Variants in CRMP1 observed in about 807,000 individuals in gnomAD.
The protein encoded by CRMP1 is collapsin response mediator protein 1.
In CRMP1, 19 loss-of-function variants were observed where a neutral mutation model predicts 68.3. The ratio of observed to expected loss-of-function variants is 0.28; its 90% CI spans 0.19 to 0.41. CRMP1 has a LOEUF of 0.41. Ranked by LOEUF, CRMP1 falls within the 10% of genes least tolerant of loss-of-function variation. The pLI is 1.00. For synonymous variants in CRMP1, 439 were observed against 399.6 expected (o/e 1.10, Z -1.18); for missense variants, 791 against 967.4 (o/e 0.82, Z 2.42).
At position 5,888,603 on chromosome 4, in the gene CRMP1, T is replaced by G; in HGVS notation, c.381+3986A>C. 2.9e-6 allele frequency: 3 copies of G among 1,023,262 alleles called. No homozygotes were observed. Among genetic ancestry groups the G allele is most frequent in the Non-Finnish European group, 3.5e-6 (3 of 855,112 alleles). The allele number at this position is 1,023,262 out of a possible 1,614,324, so 63.4% of individuals were successfully genotyped here. On this transcript the variant is annotated intron_variant, in intron 1 of 13. Coordinates refer to ENST00000324989, the MANE Select transcript of CRMP1 (RefSeq NM_001014809.3). This position sits in a 1 kb window ranked among gnomAD's most constrained non-coding sequence, Gnocchi z 6.4. ...CCTCTCGGCTCGAACCAGGAAGCGC[T>G]TCCCTTCCGATCTCCCACCCCGCCC...
chr4:5,844,162 G>A (rs1276578944), intron 6 of CRMP1, among the ~76,000 whole-genome samples: 1 of 152,034 alleles, frequency 6.6e-6, no homozygotes, highest in East Asian at 1.9e-4. Flanking sequence ...AATATAAATG[G>A]GAAACCATTT....
chr4:5,841,438 G>A lies in CRMP1; in HGVS notation c.1033-10C>T, dbSNP rs2152459953. ...CCGCCTCGGCCTCCAGCTGAACACG[G>A]CACACACAGTGTCACAGGAGGGAAG... On this transcript the variant is annotated splice_polypyrimidine_tract_variant and intron_variant, in intron 7 of 13. Coordinates refer to ENST00000324989, the MANE Select transcript of CRMP1 (RefSeq NM_001014809.3). This position sits in a 1 kb window ranked among gnomAD's most constrained non-coding sequence, Gnocchi z 6.9. The A allele has an allele frequency of 1.2e-6, 2 of 1,613,832 alleles. No individual in the cohort carries two copies. Among genetic ancestry groups the A allele is most frequent in the South Asian group, 1.1e-5 (1 of 91,058 alleles).
chr4:5,878,225 G>C (rs1714978772), intron 1 of CRMP1, among the ~76,000 whole-genome samples: 1 of 151,822 alleles, frequency 6.6e-6, no homozygotes. Flanking sequence ...CCTATACAGA[G>C]ACCACCCCAC....
At position 5,872,574 on chromosome 4, in the gene CRMP1, C is replaced by G. The variant is rs185042514; in HGVS notation, c.382-5818G>C. Among the ~76,000 whole-genome samples the G allele has an allele frequency of 1.3e-5, 2 of 152,326 alleles. 1 individual carries two copies. Among genetic ancestry groups the G allele is most frequent in the East Asian group, 3.9e-4 (2 of 5,180 alleles). On this transcript the variant is annotated intron_variant, in intron 1 of 13. Transcript: ENST00000324989. The surrounding 1 kb of genome is among the most constrained non-coding windows in gnomAD (Gnocchi z 4.6). ...TGGTGGCAGGCACCTGTAATCCCAG[C>G]TACTCGGGAGGCTGAGGCAGGAGAA... is the stretch of plus-strand genomic sequence containing the variant.
In CRMP1 at chr4:5,828,422, G is replaced by A. The variant is rs116329710; in HGVS notation, c.1803+67C>T. 2,861 of 1,566,840 alleles carry A rather than the reference G, an allele frequency of 1.8e-3. 45 individuals carry two copies. In the African/African-American group the frequency reaches 0.035, roughly 19 times the overall value. Reference sequence around the variant, plus strand: ...ATTAACTCTGCACACGTCAGATCTCGATTCCCCAAGAGACGCTGTCGGCTC... The same window carrying A: ...ATTAACTCTGCACACGTCAGATCTCAATTCCCCAAGAGACGCTGTCGGCTC... On this transcript the variant is annotated intron_variant, in intron 12 of 13. Coordinates refer to ENST00000324989, the MANE Select transcript of CRMP1 (RefSeq NM_001014809.3).
Position 5,877,660 on chromosome 4 carries a change from G to T in CRMP1, c.382-10904C>A, listed in dbSNP as rs531929439. On this transcript the variant is annotated intron_variant, in intron 1 of 13. Coordinates refer to ENST00000324989, the MANE Select transcript of CRMP1 (RefSeq NM_001014809.3). The surrounding 1 kb of genome is among the most constrained non-coding windows in gnomAD (Gnocchi z 4.3). ...AACACACATTCGTTCCCCCTCTCAC[G>T]GGTAGGGGACAGGGCGGCTTTCCCC... Among the ~76,000 whole-genome samples the T allele has an allele frequency of 6.6e-6, 1 of 152,320 alleles. No homozygotes were observed. Among genetic ancestry groups the T allele is most frequent in the South Asian group, 2.1e-4 (1 of 4,824 alleles).
At chr4:5,835,222 C>A (rs1181346702) in intron 11 of CRMP1, among the ~76,000 whole-genome samples, 1 of 152,228 alleles carries the variant, frequency 6.6e-6, no homozygotes, top group Non-Finnish European at 1.5e-5. Flanking sequence ...GAACCAGGGA[C>A]CACTGTGGCC....
intron 6 of CRMP1, among the ~76,000 whole-genome samples, chr4:5,848,238 A>G (rs1712367466): frequency 6.6e-6 from 1 of 151,516 alleles, no homozygotes; most frequent in Admixed American, 6.6e-5. Context: ...TCCACCTTCC[A>G]GGTTCAAGCA....
At position 5,883,679 on chromosome 4, in the gene CRMP1, CAT is replaced by C. The variant is rs71171491; in HGVS notation, c.381+8908_381+8909del. 0.011 allele frequency among the ~76,000 whole-genome samples: 1,715 copies of C among 152,096 alleles called. 18 individuals carry two copies. The highest frequency in any genetic ancestry group is 0.025 in the South Asian group (119 of 4,798). On this transcript the variant is annotated intron_variant, in intron 1 of 13. Transcript: ENST00000324989. The surrounding 1 kb of genome is among the most constrained non-coding windows in gnomAD (Gnocchi z 4.5). ...GGACACACACACACACACACACACA[CAT>C]GCTTGCCCACCACACCTGCTGGTTA...
At chr4:5,887,400 T>C in intron 1 of CRMP1, 2 of 985,538 alleles carry the variant, frequency 2.0e-6, no homozygotes, top group Non-Finnish European at 2.4e-6. Flanking sequence ...TGGGCTCCAG[T>C]GGTCCGCATC....
rs899294368 is a variant in CRMP1, at chr4:5,859,385, A to G, written c.655+1641T>C. Among the ~76,000 whole-genome samples the G allele has an allele frequency of 6.6e-6, 1 of 152,166 alleles. No individual in the cohort carries two copies. The highest frequency in any genetic ancestry group is 2.4e-5 in the African/African-American group (1 of 41,450). The stretch of plus-strand genomic sequence containing the variant: ...AGCTGGTAATGGAGAAAAGCAGGGG[A>G]CATCCCAGGAACCCTGGCTCCTCAT... On this transcript the variant is annotated intron_variant, in intron 3 of 13. Coordinates refer to ENST00000324989, the MANE Select transcript of CRMP1 (RefSeq NM_001014809.3). The surrounding 1 kb of genome is among the most constrained non-coding windows in gnomAD (Gnocchi z 5.2).
Position 5,891,175 on chromosome 4 carries a change from T to TACACACAC in CRMP1, c.381+1406_381+1413dup, listed in dbSNP as rs58583102. 0.18 allele frequency among the ~76,000 whole-genome samples: 23,395 copies of TACACACAC among 131,754 alleles called. 2,456 individuals are homozygous for TACACACAC. Among genetic ancestry groups the TACACACAC allele is most frequent in the East Asian group, 0.26 (1,107 of 4,306 alleles). The allele number at this position is 131,754 out of a possible 152,430, so 86.4% of individuals were successfully genotyped here. A position where few individuals can be genotyped will look rare whatever the true frequency, so the allele number is the denominator to read the frequency against. The stretch of plus-strand genomic sequence containing the variant: ...TGATCACCCCACCACCACACACACA[T>TACACACAC]ACACACACACACACACACACACACA... On this transcript the variant is annotated intron_variant, in intron 1 of 13. Coordinates refer to ENST00000324989, the MANE Select transcript of CRMP1 (RefSeq NM_001014809.3). This position sits in a 1 kb window ranked among gnomAD's most constrained non-coding sequence, Gnocchi z 5.2.
chr4:5,821,645 T>A lies in CRMP1; in HGVS notation c.*115A>T. On this transcript the variant is annotated 3_prime_UTR_variant, in exon 14 of 14. Transcript: ENST00000324989. This position sits in a 1 kb window ranked among gnomAD's most constrained non-coding sequence, Gnocchi z 4.4. ...GAAAAGGGAAAGAGCATCCTTCGAC[T>A]TCCCCCTCCCTCCATCAGCACCAAC... The A allele has an allele frequency of 2.1e-6, 2 of 972,634 alleles. No homozygotes were observed. The highest frequency in any genetic ancestry group is 1.6e-5 in the South Asian group (1 of 62,052). 60.3% of individuals were successfully genotyped at this position (972,634 alleles called of 1,614,324 possible). A position where few individuals can be genotyped will look rare whatever the true frequency, so the allele number is the denominator to read the frequency against.
Position 5,842,361 on chromosome 4 carries a change from G to A in CRMP1, c.1032+732C>T, listed in dbSNP as rs747882263. On this transcript the variant is annotated intron_variant, in intron 7 of 13. Transcript: ENST00000324989. This position sits in a 1 kb window ranked among gnomAD's most constrained non-coding sequence, Gnocchi z 4.5. ...GGAGAGTCACTTGAACCCAGGAAGCGGAGGCTGCAGTGAACCGAGATCATA... is the reference window on the plus strand; with the variant it reads ...GGAGAGTCACTTGAACCCAGGAAGCAGAGGCTGCAGTGAACCGAGATCATA... 4.0e-5 allele frequency among the ~76,000 whole-genome samples: 6 copies of A among 151,088 alleles called. No individual in the cohort carries two copies. Among genetic ancestry groups the A allele is most frequent in the East Asian group, 2.0e-4 (1 of 5,120 alleles).
intron 6 of CRMP1, among the ~76,000 whole-genome samples, chr4:5,847,782 A>C (rs1485674503): frequency 6.6e-6 from 1 of 152,198 alleles, no homozygotes; most frequent in Non-Finnish European, 1.5e-5. Flanking sequence ...CAACTTATTC[A>C]TATCTGAGCT....
In CRMP1 at chr4:5,839,462, ACT is replaced by A. The variant is rs370426612; in HGVS notation, c.1310+58_1310+59del. Reference sequence around the variant, plus strand: ...ACCAGCCTGCGGATTCCCACCATTAACTCTCTGCCTCCAAAGGCCCCAGCTGC... The same window carrying A: ...ACCAGCCTGCGGATTCCCACCATTAACTCTGCCTCCAAAGGCCCCAGCTGC... On this transcript the variant is annotated intron_variant, in intron 9 of 13. Transcript: ENST00000324989. The A allele has an allele frequency of 1.7e-5, 26 of 1,548,632 alleles. No homozygotes were observed. The African/African-American group carries it at 2.9e-4, about 17-fold the overall frequency.
intron 11 of CRMP1, among the ~76,000 whole-genome samples, chr4:5,832,329 C>T (rs112330035): frequency 3.3e-5 from 5 of 152,172 alleles, no homozygotes; most frequent in Non-Finnish European, 5.9e-5. Context: ...AATTATATCT[C>T]GATAAGAAAC....
At position 5,871,532 on chromosome 4, in the gene CRMP1, C is replaced by T. The variant is rs1004272028; in HGVS notation, c.382-4776G>A. ...AAAATTAGCCGGGCGTGGTGGCGCA[C>T]GCCTGTGGTCCCAGCTACTCAGGAG... is the stretch of plus-strand genomic sequence containing the variant. On this transcript the variant is annotated intron_variant, in intron 1 of 13. Transcript: ENST00000324989. Among the ~76,000 whole-genome samples, 10 of 151,996 alleles carry T rather than the reference C, an allele frequency of 6.6e-5. No individual in the cohort carries two copies. The East Asian group carries it at 9.7e-4, about 15-fold the overall frequency.
rs768018968 is a variant in CRMP1 at position 5,839,636 on chromosome 4, G to A, written c.1196C>T (p.Thr399Ile). 6.2e-7 allele frequency: 1 copy of A among 1,613,128 alleles called. No homozygotes were observed. The highest frequency in any genetic ancestry group is 1.3e-5 in the African/African-American group (1 of 74,922). Residue 399 changes from threonine to isoleucine, a missense_variant, in exon 9 of 14, where the codon ACC (threonine) becomes ATC (isoleucine). Coordinates refer to ENST00000324989, the MANE Select transcript of CRMP1 (RefSeq NM_001014809.3). Reference sequence around the variant, plus strand: ...CTTGCTCCAGTAATGGGTGCCATCGGTCCCCAGGCTGGCGGCAATGGGCTC... The same window carrying A: ...CTTGCTCCAGTAATGGGTGCCATCGATCCCCAGGCTGGCGGCAATGGGCTC... ...FGEPIAASLG[T>I]DGTHYWSKNW...
Sources: gnomAD v4.1 joint callset for allele counts (sites outside exome capture counted in the v4.1 genomes callset) on GRCh38, gnomAD v4.1.1 for gene constraint, Gnocchi (gnomAD v3.1) non-coding constraint, MANE v1.5 for transcripts, NCBI Gene and HGNC (gene_info 2026-07-23, HGNC 2026-07-21) for gene names.